The following SHANK2 variants were observed in gnomAD, a reference collection of about 807,000 sequenced individuals.
The protein encoded by SHANK2 is SH3 and multiple ankyrin repeat domains 2, also known as SH3 and multiple ankyrin repeat domains protein 2.
Under a neutral mutation model 133.7 loss-of-function variants are expected in SHANK2, and 43 were observed. That is an observed-to-expected ratio of 0.32 (90% CI 0.25 to 0.41). The LOEUF is 0.41. Among genes scored for constraint, SHANK2 ranks in the 10% least tolerant of loss-of-function variants. SHANK2 has a pLI of 1.00. For missense variants in SHANK2, 1,994 were observed against 2,235.8 expected, an observed-to-expected ratio of 0.89 and a Z score of 2.18; for synonymous variants, 1,017 against 952.8, an observed-to-expected ratio of 1.07 and a Z score of -1.24.
intron 10 of SHANK2, among the ~76,000 whole-genome samples, chr11:70,912,680 AG>A (rs1287456328): frequency 6.6e-6 from 1 of 152,212 alleles, no homozygotes; most frequent in Non-Finnish European, 1.5e-5. Flanking sequence ...GCAGAAATGA[AG>A]GGGGCGCTCC....
At chr11:70,618,958 G>A (rs1285957383) in intron 17 of SHANK2, among the ~76,000 whole-genome samples, 3 of 152,214 alleles carry the variant, frequency 2.0e-5, no homozygotes, top group Non-Finnish European at 4.4e-5. Flanking sequence ...AGATGGCCAG[G>A]AGATGGACGG....
intron 13 of SHANK2, among the ~76,000 whole-genome samples, chr11:70,802,484 G>A (rs573125637): frequency 5.3e-5 from 8 of 152,304 alleles, no homozygotes; most frequent in South Asian, 4.1e-4. Flanking sequence ...AGGTCACTGC[G>A]GAGGAGGGAG....
chr11:70,791,201 T>C (rs1947779375), intron 14 of SHANK2, among the ~76,000 whole-genome samples: 1 of 152,196 alleles, frequency 6.6e-6, no homozygotes, highest in Non-Finnish European at 1.5e-5. Context: ...ACTGATCAAG[T>C]GCAACACCAC....
intron 2 of SHANK2, among the ~76,000 whole-genome samples, chr11:71,215,937 C>G (rs1555119780): frequency 6.6e-6 from 1 of 152,080 alleles, no homozygotes; most frequent in African/African-American, 2.4e-5. Context: ...CCTCCCCCAC[C>G]CTCCAGGATG....
chr11:70,745,942 A>C (rs1555035944), intron 14 of SHANK2, among the ~76,000 whole-genome samples: 1 of 152,180 alleles, frequency 6.6e-6, no homozygotes. Flanking sequence ...CGGATGTGAA[A>C]CCATTTGGGC....
At position 71,076,100 on chromosome 11, in the gene SHANK2, C is replaced by G. The variant is rs1031897773; in HGVS notation, c.913-825G>C. Among the ~76,000 whole-genome samples, 5 of 152,314 alleles carry G rather than the reference C, an allele frequency of 3.3e-5. No homozygotes were observed. In the South Asian group the frequency reaches 1.0e-3, roughly 32 times the overall value. On this transcript the variant is annotated intron_variant, in intron 8 of 25. Transcript: ENST00000601538. ...GTCAGCACTTGGTGAGTCAGTGATG[C>G]CCCTCCCCACCCAAGCTCACAGGGG...
intron 3 of SHANK2, among the ~76,000 whole-genome samples, chr11:71,138,489 A>G (rs1952490862): frequency 6.6e-6 from 1 of 152,204 alleles, no homozygotes; most frequent in African/African-American, 2.4e-5. Context: ...TTTAATCCAC[A>G]ATAATAAGCA....
rs368433230 is a variant in SHANK2, at chr11:70,537,488, A to T, written c.2062-34557T>A. On this transcript the variant is annotated intron_variant, in intron 17 of 25. Transcript: ENST00000601538. The stretch of plus-strand genomic sequence containing the variant: ...GGAGATGAAGTCAGAGACAGGATGC[A>T]GCCAAGCCAAGGAACGCTGGGAGCC... Among the ~76,000 whole-genome samples, 27 of 152,362 alleles carry T rather than the reference A, an allele frequency of 1.8e-4. No individual in the cohort carries two copies. In the South Asian group the frequency reaches 2.7e-3, roughly 15 times the overall value.
At chr11:71,166,248 G>T (rs997529358) in intron 2 of SHANK2, among the ~76,000 whole-genome samples, 6 of 152,214 alleles carry the variant, frequency 3.9e-5, no homozygotes, top group African/African-American at 4.8e-5. Context: ...GCAACAGATA[G>T]TCTGTGGGCT....
At chr11:70,539,514 G>A (rs945773993) in intron 17 of SHANK2, among the ~76,000 whole-genome samples, 1 of 150,820 alleles carries the variant, frequency 6.6e-6, no homozygotes, top group South Asian at 2.1e-4. Flanking sequence ...ACGCTCACTC[G>A]CCACGCTCAC....
chr11:71,229,064 A>C (rs1954691962), intron 1 of SHANK2, among the ~76,000 whole-genome samples: 1 of 152,222 alleles, frequency 6.6e-6, no homozygotes, highest in African/African-American at 2.4e-5. Flanking sequence ...AACTCTCCCC[A>C]AAACAAGATG....
intron 17 of SHANK2, among the ~76,000 whole-genome samples, chr11:70,600,576 G>T (rs1173670955): frequency 6.6e-6 from 1 of 152,072 alleles, no homozygotes; most frequent in African/African-American, 2.4e-5. Flanking sequence ...ATATTCAGAG[G>T]TAATGAAGGT....
At chr11:71,228,513 T>G (rs1954681751) in intron 1 of SHANK2, among the ~76,000 whole-genome samples, 1 of 152,162 alleles carries the variant, frequency 6.6e-6, no homozygotes, top group Non-Finnish European at 1.5e-5. Context: ...ATCCCACCAC[T>G]TTGGGAGACC....
intron 14 of SHANK2, among the ~76,000 whole-genome samples, chr11:70,755,150 C>A (rs1946840434): frequency 6.6e-6 from 1 of 151,956 alleles, no homozygotes; most frequent in African/African-American, 2.4e-5. Context: ...CGGCTCACTG[C>A]AACCTCTGCT....
At chr11:70,833,396 T>G (rs534524687) in intron 11 of SHANK2, among the ~76,000 whole-genome samples, 2 of 152,206 alleles carry the variant, frequency 1.3e-5, no homozygotes, top group Non-Finnish European at 2.9e-5. Flanking sequence ...TGGACTCTAC[T>G]GCTGGTGACC....
At chr11:70,854,301 A>G (rs1177095769) in intron 11 of SHANK2, among the ~76,000 whole-genome samples, 3 of 152,218 alleles carry the variant, frequency 2.0e-5, no homozygotes, top group Non-Finnish European at 2.9e-5. Context: ...TACCAATGCT[A>G]AAAATGCTGA....
Position 70,471,692 on chromosome 11 carries a change from G to C in SHANK2, c.*1177C>G, listed in dbSNP as rs971288775. 3.2e-5 allele frequency: 10 copies of C among 309,832 alleles called. No homozygotes were observed. The highest frequency in any genetic ancestry group is 1.5e-4 in the Admixed American group (3 of 19,902). The allele number at this position is 309,832 out of a possible 1,614,324, so 19.2% of individuals were successfully genotyped here. On this transcript the variant is annotated 3_prime_UTR_variant, in exon 26 of 26. Coordinates refer to ENST00000601538, the MANE Select transcript of SHANK2 (RefSeq NM_012309.5). The surrounding 1 kb of genome is among the most constrained non-coding windows in gnomAD (Gnocchi z 4.1). ...AGCTGGTGGGATTCCTAGACACCCA[G>C]AGCGATAGGGGAAAAGCCTCTAAGT... is the stretch of plus-strand genomic sequence containing the variant.
chr11:71,248,137 A>G (rs544776771), intron 1 of SHANK2, among the ~76,000 whole-genome samples: 1 of 152,246 alleles, frequency 6.6e-6, no homozygotes, highest in Non-Finnish European at 1.5e-5. Context: ...CCCGCCCTGC[A>G]AAGAACAGAA....
At chr11:71,070,439 TA>T (rs1296481885) in intron 9 of SHANK2, among the ~76,000 whole-genome samples, 2 of 152,220 alleles carry the variant, frequency 1.3e-5, no homozygotes, top group Non-Finnish European at 2.9e-5. Flanking sequence ...GGGAGCCAGC[TA>T]ATGCATTTCT....
Sources: gnomAD v4.1 joint callset for allele counts (sites outside exome capture counted in the v4.1 genomes callset) on GRCh38, gnomAD v4.1.1 for gene constraint, Gnocchi (gnomAD v3.1) non-coding constraint, MANE v1.5 for transcripts, NCBI Gene and HGNC (gene_info 2026-07-23, HGNC 2026-07-21) for gene names.